The following ARB2A variants were observed in gnomAD, a reference collection of about 807,000 sequenced individuals.
ARB2A encodes ARB2 cotranscriptional regulator A.
chr5:93,988,281 C>T, the ARB2A span, among the ~76,000 whole-genome samples: 1 of 152,104 alleles, frequency 6.6e-6, no homozygotes, highest in Non-Finnish European at 1.5e-5. Flanking sequence ...CCCAGTGCCC[C>T]TAGAATAATG....
At chr5:93,949,675 T>A in the ARB2A span, among the ~76,000 whole-genome samples, 1 of 152,068 alleles carries the variant, frequency 6.6e-6, no homozygotes, top group Admixed American at 6.5e-5. Context: ...CAGTTCTTTT[T>A]AAATGTACAA....
At chr5:94,063,602 C>T in the ARB2A span, among the ~76,000 whole-genome samples, 1 of 152,126 alleles carries the variant, frequency 6.6e-6, no homozygotes, top group East Asian at 1.9e-4. Flanking sequence ...ATATGCCTCC[C>T]TGGAACCTAA....
At chr5:94,022,715 G>C in the ARB2A span, among the ~76,000 whole-genome samples, 1 of 152,318 alleles carries the variant, frequency 6.6e-6, no homozygotes, top group Non-Finnish European at 1.5e-5. Flanking sequence ...ACATCAATTT[G>C]CTTATCCTCA....
At chr5:93,690,239 G>A in the ARB2A span, among the ~76,000 whole-genome samples, 1 of 152,174 alleles carries the variant, frequency 6.6e-6, no homozygotes, top group African/African-American at 2.4e-5. Flanking sequence ...CTGAAGCCAG[G>A]GAGCCAAGTG....
chr5:94,081,870 A>C, the ARB2A span, among the ~76,000 whole-genome samples: 54 of 152,234 alleles, frequency 3.5e-4, no homozygotes, highest in African/African-American at 1.2e-3. Context: ...CTCAAAAAAA[A>C]AAAATCTTGA....
the ARB2A span, among the ~76,000 whole-genome samples, chr5:93,801,401 G>A: frequency 6.6e-6 from 1 of 152,092 alleles, no homozygotes; most frequent in Non-Finnish European, 1.5e-5. Flanking sequence ...TAAAGTGAGA[G>A]CACAGAAACC....
chr5:93,830,224 C>A, the ARB2A span, among the ~76,000 whole-genome samples: 1 of 149,238 alleles, frequency 6.7e-6, no homozygotes, highest in African/African-American at 2.5e-5. Flanking sequence ...ATCTTAAATA[C>A]CTGAGATGGT....
the ARB2A span, among the ~76,000 whole-genome samples, chr5:94,042,877 G>GAA: frequency 6.6e-6 from 1 of 152,054 alleles, no homozygotes; most frequent in Non-Finnish European, 1.5e-5. Flanking sequence ...ACAAAATTGT[G>GAA]TAAGATGCCT....
At chr5:93,728,124 A>G in the ARB2A span, among the ~76,000 whole-genome samples, 1 of 152,068 alleles carries the variant, frequency 6.6e-6, no homozygotes, top group Non-Finnish European at 1.5e-5. Context: ...TAAGAACTGC[A>G]TTGTTCTTTA....
chr5:93,867,881 T>A, the ARB2A span, among the ~76,000 whole-genome samples: 1 of 152,170 alleles, frequency 6.6e-6, no homozygotes, highest in Non-Finnish European at 1.5e-5. Flanking sequence ...TTTCTTCTCA[T>A]ATTAAATTAA....
chr5:94,081,453 T>G, the ARB2A span, among the ~76,000 whole-genome samples: 1 of 152,228 alleles, frequency 6.6e-6, no homozygotes, highest in Non-Finnish European at 1.5e-5. Context: ...TGTCAACTGA[T>G]GAATGGATAA....
chr5:93,750,269 T>C, the ARB2A span, among the ~76,000 whole-genome samples: 2 of 152,212 alleles, frequency 1.3e-5, no homozygotes, highest in African/African-American at 4.8e-5. Flanking sequence ...ATTTGGATTA[T>C]CTAAAAATTC....
At chr5:94,004,998 C>CCAAAAA in the ARB2A span, among the ~76,000 whole-genome samples, 1 of 12,552 alleles carries the variant, frequency 8.0e-5, no homozygotes, top group African/African-American at 2.3e-4. Flanking sequence ...ATTTTATCAG[C>CCAAAAA]AAAAAAAAAA....
At chr5:93,629,367 T>A in the ARB2A span, among the ~76,000 whole-genome samples, 12 of 151,926 alleles carry the variant, frequency 7.9e-5, no homozygotes, top group African/African-American at 2.9e-4. Context: ...TTGAAAAAAA[T>A]GTGACATAGA....
chr5:94,059,750 A>G, the ARB2A span, among the ~76,000 whole-genome samples: 1 of 152,110 alleles, frequency 6.6e-6, no homozygotes. Context: ...TCAACTAAAA[A>G]AAAAAAGTCC....
the ARB2A span, among the ~76,000 whole-genome samples, chr5:93,945,504 G>A: frequency 6.6e-6 from 1 of 151,946 alleles, no homozygotes; most frequent in South Asian, 2.1e-4. Context: ...CTCAAATCAG[G>A]CGTACTAATC....
chr5:93,820,268 A>C, the ARB2A span, among the ~76,000 whole-genome samples: 1 of 152,232 alleles, frequency 6.6e-6, no homozygotes, highest in Admixed American at 6.5e-5. Flanking sequence ...TGCTGAGATC[A>C]ATAACTGGGC....
the ARB2A span, among the ~76,000 whole-genome samples, chr5:93,985,836 C>T: frequency 3.3e-5 from 5 of 152,188 alleles, no homozygotes; most frequent in African/African-American, 7.2e-5. Context: ...GCCTCTGCCC[C>T]GCCGCCACCC....
At chr5:94,030,782 A>C in the ARB2A span, among the ~76,000 whole-genome samples, 1 of 152,218 alleles carries the variant, frequency 6.6e-6, no homozygotes, top group Non-Finnish European at 1.5e-5. Context: ...ACAATGGCTT[A>C]GTTTTTGAGC....
Sources: gnomAD v4.1 joint callset for allele counts (sites outside exome capture counted in the v4.1 genomes callset) on GRCh38, gnomAD v4.1.1 for gene constraint, MANE v1.5 for transcripts, NCBI Gene and HGNC (gene_info 2026-07-23, HGNC 2026-07-21) for gene names.